KDM2B: variants seen among roughly 807,000 people sequenced by gnomAD.
KDM2B encodes the protein lysine-specific demethylase 2B.
A neutral mutation model predicts 150.0 loss-of-function variants in KDM2B; 26 were observed. The ratio of observed to expected loss-of-function variants is 0.17; its 90% CI spans 0.13 to 0.24. The LOEUF (loss-of-function observed/expected upper bound fraction) is 0.24. KDM2B is among the 10% of genes least tolerant of loss of function. KDM2B has a pLI of 1.00. For synonymous variants in KDM2B, 734 were observed against 729.5 expected, an observed-to-expected ratio of 1.01 and a Z score of -0.10; for missense variants, 1,265 against 1,816.9, an observed-to-expected ratio of 0.70 and a Z score of 5.52.
chr12:121,490,015 G>T (rs1190622009), intron 12 of KDM2B, among the ~76,000 whole-genome samples: 1 of 152,206 alleles, frequency 6.6e-6, no homozygotes, highest in Non-Finnish European at 1.5e-5. Flanking sequence ...ACAGGACTGA[G>T]AGCGGGGCAG....
Position 121,537,259 on chromosome 12 carries a change from C to G in KDM2B, c.684-2669G>C, listed in dbSNP as rs1478365947. On this transcript the variant is annotated intron_variant, in intron 6 of 22. Transcript: ENST00000377071. The surrounding 1 kb of genome is among the most constrained non-coding windows in gnomAD (Gnocchi z 8.7). ...CCCGCCCCGCGCTGGCTCCGGGGCT[C>G]CCCCCTGGCTGGTTTGCTCGCTCGC... 6.5e-6 allele frequency: 1 copy of G among 152,820 alleles called. No individual in the cohort carries two copies. Among genetic ancestry groups the G allele is most frequent in the Non-Finnish European group, 1.5e-5 (1 of 68,698 alleles). The allele number at this position is 152,820 out of a possible 1,614,324, so 9.5% of individuals were successfully genotyped here.
At chr12:121,427,904 A>C (rs1872591057), downstream of KDM2B, among the ~76,000 whole-genome samples, 1 of 152,226 alleles carries the variant, frequency 6.6e-6, no homozygotes, top group African/African-American at 2.4e-5. Context: ...ATTAACCTTA[A>C]AGCAATTCTT....
At chr12:121,536,679 T>A (rs1361016013) in intron 6 of KDM2B, among the ~76,000 whole-genome samples, 1 of 152,142 alleles carries the variant, frequency 6.6e-6, no homozygotes, top group African/African-American at 2.4e-5. Flanking sequence ...TTTTTTTCTT[T>A]TTTTAATCTA....
intron 9 of KDM2B, among the ~76,000 whole-genome samples, chr12:121,514,218 A>T (rs1269912683): frequency 6.6e-6 from 1 of 151,150 alleles, no homozygotes; most frequent in Non-Finnish European, 1.5e-5. Flanking sequence ...GGCTCAAGCG[A>T]CCCTCCTGCC....
Position 121,533,088 on chromosome 12 carries a change from A to G in KDM2B, c.778-129T>C. Reference sequence around the variant, plus strand: ...TGTGTGGGGTGGGGGGTGTGGAGAGATGGCAGATCCATCCCTCTGGACTCT... The same window carrying G: ...TGTGTGGGGTGGGGGGTGTGGAGAGGTGGCAGATCCATCCCTCTGGACTCT... On this transcript the variant is annotated intron_variant, in intron 7 of 22. Coordinates refer to ENST00000377071, the MANE Select transcript of KDM2B (RefSeq NM_032590.5). This position sits in a 1 kb window ranked among gnomAD's most constrained non-coding sequence, Gnocchi z 4.1. 1.2e-6 allele frequency: 1 copy of G among 868,440 alleles called. No individual in the cohort carries two copies. The highest frequency in any genetic ancestry group is 1.6e-5 in the South Asian group (1 of 61,224). The allele number at this position is 868,440 out of a possible 1,614,324, so 53.8% of individuals were successfully genotyped here.
intron 10 of KDM2B, among the ~76,000 whole-genome samples, chr12:121,511,364 G>A (rs553597057): frequency 1.0e-4 from 14 of 139,878 alleles, no homozygotes; most frequent in East Asian, 4.3e-4. Context: ...TCGGCACACC[G>A]CAACCTCCGC....
At chr12:121,569,909 C>T (rs1555315659) in intron 4 of KDM2B, among the ~76,000 whole-genome samples, 1 of 150,752 alleles carries the variant, frequency 6.6e-6, no homozygotes, top group Non-Finnish European at 1.5e-5. Flanking sequence ...AGTGCAGTGG[C>T]GTGATCTTGG....
intron 11 of KDM2B, 119 bp downstream of exon 11, chr12:121,509,448 A>AC: frequency 6.7e-7 from 1 of 1,491,224 alleles, no homozygotes; most frequent in Non-Finnish European, 8.9e-7. Context: ...CGCAGCGCCC[A>AC]CCCGAATGCT....
chr12:121,486,951 C>T (rs1882829888), intron 12 of KDM2B, among the ~76,000 whole-genome samples: 1 of 151,644 alleles, frequency 6.6e-6, no homozygotes, highest in Admixed American at 6.6e-5. Flanking sequence ...CCAGCATGAG[C>T]AACATAGTGA....
Position 121,453,079 on chromosome 12 carries a change from G to T in KDM2B, c.1959+41C>A. The T allele has an allele frequency of 6.5e-7, 1 of 1,530,744 alleles. No individual in the cohort carries two copies. The highest frequency in any genetic ancestry group is 1.2e-5 in the South Asian group (1 of 83,088). 94.8% of individuals were successfully genotyped at this position (1,530,744 alleles called of 1,614,324 possible). On this transcript the variant is annotated intron_variant, in intron 13 of 22. Transcript: ENST00000377071. This position sits in a 1 kb window ranked among gnomAD's most constrained non-coding sequence, Gnocchi z 6.4. ...TCAGACACGCGGGCCGGCACGCAGG[G>T]GCCTGAATCGAGCGCAGGGCTGGGC...
At chr12:121,424,268 T>C (rs8462), downstream of KDM2B, 29,121 of 152,688 alleles carry the variant, frequency 0.19, 4,303 homozygotes, top group African/African-American at 0.41. Context: ...TCAGTTTACA[T>C]TGTTTTGTAT....
the KDM2B span, chr12:121,420,835 T>C: frequency 7.3e-7 from 1 of 1,363,858 alleles, no homozygotes; most frequent in Non-Finnish European, 1.0e-6. Flanking sequence ...TTTTAAAAAC[T>C]GGGTTGTTTT....
intron 10 of KDM2B, 136 bp from the exon 11 acceptor site, chr12:121,510,175 C>T (rs1193243104): frequency 2.6e-6 from 2 of 772,460 alleles, no homozygotes; most frequent in Non-Finnish European, 4.1e-6. Context: ...TCAGTGCCTC[C>T]AGCCTCTGGA....
the KDM2B span, among the ~76,000 whole-genome samples, chr12:121,410,611 C>T: frequency 6.6e-6 from 1 of 152,076 alleles, no homozygotes; most frequent in Non-Finnish European, 1.5e-5. Flanking sequence ...CAGGGGCTTC[C>T]CCTGCTTCAA....
At chr12:121,420,498 T>C in the KDM2B span, 2 of 1,575,924 alleles carry the variant, frequency 1.3e-6, no homozygotes, top group Non-Finnish European at 1.7e-6. Flanking sequence ...TGGGAGAATA[T>C]TCAGGGCCAG....
chr12:121,556,852 T>TAA (rs782133921), intron 4 of KDM2B, among the ~76,000 whole-genome samples: 2 of 133,170 alleles, frequency 1.5e-5, no homozygotes, highest in Non-Finnish European at 1.6e-5. Context: ...ACTCTGTCCT[T>TAA]AAAAAAAAAA....
intron 2 of KDM2B, among the ~76,000 whole-genome samples, chr12:121,578,176 A>C (rs2136668655): frequency 6.6e-6 from 1 of 152,330 alleles, no homozygotes; most frequent in Admixed American, 6.5e-5. Context: ...CTGTAGCGCT[A>C]GACAGCTCCG....
intron 11 of KDM2B, among the ~76,000 whole-genome samples, chr12:121,503,755 CT>C (rs1433197726): frequency 6.6e-6 from 1 of 152,240 alleles, no homozygotes; most frequent in Non-Finnish European, 1.5e-5. Context: ...ATGTTCATGG[CT>C]TCCTTGTTCC....
intron 12 of KDM2B, among the ~76,000 whole-genome samples, chr12:121,475,636 G>A (rs1195159408): frequency 1.3e-4 from 20 of 151,580 alleles, no homozygotes; most frequent in African/African-American, 4.9e-4. Flanking sequence ...GCTCATGACT[G>A]TAATCCTAGG....
Sources: allele counts gnomAD v4.1 joint callset (sites outside exome capture counted in the v4.1 genomes callset), GRCh38; gene constraint gnomAD v4.1.1; non-coding constraint Gnocchi (gnomAD v3.1); transcripts MANE v1.5; gene names NCBI Gene and HGNC (gene_info 2026-07-23, HGNC 2026-07-21).